The following LDLRAD3 variants were observed in gnomAD, a reference collection of about 807,000 sequenced individuals.
LDLRAD3 encodes the protein low-density lipoprotein receptor class A domain-containing protein 3.
Under a neutral mutation model 29.4 loss-of-function variants are expected in LDLRAD3, and 20 were observed. That is an observed-to-expected ratio of 0.68 (90% confidence interval 0.48 to 0.99). The LOEUF (loss-of-function observed/expected upper bound fraction) is 0.99, where lower values mean the gene tolerates loss of function less well. Ranked by LOEUF, LDLRAD3 falls within the 50% of genes least tolerant of loss-of-function variation. LDLRAD3 has a pLI of 0.00. For synonymous variants in LDLRAD3, 157 were observed against 192.7 expected (o/e 0.81, Z 1.53); for missense variants, 420 against 454.3 (o/e 0.92, Z 0.69).
intron 2 of LDLRAD3, among the ~76,000 whole-genome samples, chr11:36,061,136 G>A (rs1461935689): frequency 6.6e-6 from 1 of 152,042 alleles, no homozygotes; most frequent in Admixed American, 6.6e-5. Flanking sequence ...GTAAAGATGA[G>A]GAAATCTTTT....
At chr11:35,998,610 T>C (rs527799317) in intron 1 of LDLRAD3, among the ~76,000 whole-genome samples, 5 of 152,318 alleles carry the variant, frequency 3.3e-5, no homozygotes, top group African/African-American at 1.2e-4. Context: ...GAAAATATCC[T>C]CTGTGGTTCC....
At chr11:36,066,915 G>T (rs1051141366) in intron 2 of LDLRAD3, among the ~76,000 whole-genome samples, 3 of 152,130 alleles carry the variant, frequency 2.0e-5, no homozygotes, top group Non-Finnish European at 4.4e-5. Flanking sequence ...ATGTCTGTTG[G>T]CTTCCAGGAT....
At chr11:36,170,412 G>A (rs1404548977) in intron 4 of LDLRAD3, among the ~76,000 whole-genome samples, 1 of 151,300 alleles carries the variant, frequency 6.6e-6, no homozygotes, top group Admixed American at 6.6e-5. Context: ...TGATTTATGG[G>A]CATTTGGGCT....
intron 1 of LDLRAD3, among the ~76,000 whole-genome samples, chr11:35,966,178 A>G (rs4756263): frequency 0.37 from 55,846 of 152,160 alleles, 10,602 homozygotes; most frequent in East Asian, 0.62. Context: ...CTGTAGTCCC[A>G]GCACTTTGGG....
intron 4 of LDLRAD3, among the ~76,000 whole-genome samples, chr11:36,129,372 T>C (rs1435635517): frequency 6.6e-6 from 1 of 152,180 alleles, no homozygotes; most frequent in Non-Finnish European, 1.5e-5. Context: ...TGGTCTGGGA[T>C]TCCCTGTGAA....
intron 4 of LDLRAD3, among the ~76,000 whole-genome samples, chr11:36,218,381 G>A (rs1184692168): frequency 6.6e-6 from 1 of 152,148 alleles, no homozygotes; most frequent in African/African-American, 2.4e-5. Context: ...AGCCACTGAG[G>A]TTCCTTGATC....
intron 4 of LDLRAD3, among the ~76,000 whole-genome samples, chr11:36,144,544 C>T (rs1013251041): frequency 1.3e-5 from 2 of 151,024 alleles, no homozygotes; most frequent in African/African-American, 4.9e-5. Flanking sequence ...CCCTGCCGCC[C>T]CGTCTGGGAT....
rs1854685006 is a variant in LDLRAD3, at chr11:36,176,774, C to T, written c.455-50311C>T. On this transcript the variant is annotated intron_variant, in intron 4 of 5. Transcript: ENST00000315571. ...TTCCTTCATCTTGACTTCAGATAACCTGTTGACTATGTGTCTAGGTGATTA... is the reference window on the plus strand; with the variant it reads ...TTCCTTCATCTTGACTTCAGATAACTTGTTGACTATGTGTCTAGGTGATTA... 2.0e-5 allele frequency among the ~76,000 whole-genome samples: 3 copies of T among 152,114 alleles called. No individual in the cohort carries two copies. In the South Asian group the frequency reaches 6.2e-4, roughly 32 times the overall value.
chr11:35,991,580 T>C (rs1851689818), intron 1 of LDLRAD3, among the ~76,000 whole-genome samples: 1 of 152,198 alleles, frequency 6.6e-6, no homozygotes, highest in Admixed American at 6.5e-5. Flanking sequence ...TCATGTTCCT[T>C]TTCTCCAATG....
chr11:35,965,946 AT>A, intron 1 of LDLRAD3, among the ~76,000 whole-genome samples: 1 of 152,334 alleles, frequency 6.6e-6, no homozygotes. Flanking sequence ...CCTGACTGTT[AT>A]TAACTTTTGG....
intron 4 of LDLRAD3, among the ~76,000 whole-genome samples, chr11:36,124,921 G>A (rs1487602386): frequency 6.6e-6 from 1 of 151,916 alleles, no homozygotes; most frequent in Non-Finnish European, 1.5e-5. Flanking sequence ...TGATCTCCTG[G>A]CCTCAAGTGA....
Position 36,194,960 on chromosome 11 carries a change from G to C in LDLRAD3, c.455-32125G>C, listed in dbSNP as rs570161677. Among the ~76,000 whole-genome samples the C allele has an allele frequency of 1.2e-4, 18 of 152,312 alleles. No individual in the cohort carries two copies. The South Asian group carries it at 3.5e-3, about 30-fold the overall frequency. On this transcript the variant is annotated intron_variant, in intron 4 of 5. Transcript: ENST00000315571. ...ACAGAATGGGCTCTGGAGTCAGACA[G>C]CTCATCACTGGGCTTGCATTTCTTC...
At chr11:36,007,147 C>T (rs1468153512) in intron 1 of LDLRAD3, among the ~76,000 whole-genome samples, 1 of 152,218 alleles carries the variant, frequency 6.6e-6, no homozygotes, top group Admixed American at 6.5e-5. Flanking sequence ...TCATGGATTA[C>T]TCTGAGTTGC....
At chr11:36,208,535 C>A (rs1030424626) in intron 4 of LDLRAD3, among the ~76,000 whole-genome samples, 3 of 152,228 alleles carry the variant, frequency 2.0e-5, no homozygotes, top group Admixed American at 2.0e-4. Flanking sequence ...GAGGAGAGAG[C>A]CTTCCTGGCC....
At chr11:35,960,918 C>T (rs1184455312) in intron 1 of LDLRAD3, among the ~76,000 whole-genome samples, 2 of 152,170 alleles carry the variant, frequency 1.3e-5, no homozygotes, top group African/African-American at 4.8e-5. Flanking sequence ...TTTGCCTGCC[C>T]CTGATGACTG....
intron 1 of LDLRAD3, among the ~76,000 whole-genome samples, chr11:35,977,258 G>A (rs888393625): frequency 6.6e-6 from 1 of 152,132 alleles, no homozygotes; most frequent in Non-Finnish European, 1.5e-5. Context: ...AAGGCAGAAG[G>A]CACCAAGAAG....
At chr11:35,991,651 G>A (rs1851691154) in intron 1 of LDLRAD3, among the ~76,000 whole-genome samples, 2 of 152,158 alleles carry the variant, frequency 1.3e-5, no homozygotes, top group African/African-American at 4.8e-5. Flanking sequence ...AAAAGGGAGT[G>A]GGCACGGGGA....
chr11:36,033,814 G>T (rs1852270721), intron 1 of LDLRAD3, among the ~76,000 whole-genome samples: 1 of 152,136 alleles, frequency 6.6e-6, no homozygotes, highest in Non-Finnish European at 1.5e-5. Context: ...AGGGTTGTTG[G>T]TGGCTTTCTG....
At position 36,105,236 on chromosome 11, in the gene LDLRAD3, TGTGA is replaced by T. The variant is rs1238508601; in HGVS notation, c.454+6777_454+6780del. Among the ~76,000 whole-genome samples, 894 of 135,064 alleles carry T rather than the reference TGTGA, an allele frequency of 6.6e-3. 3 individuals carry two copies. The highest frequency in any genetic ancestry group is 0.019 in the Admixed American group (258 of 13,606). The allele number at this position is 135,064 out of a possible 152,430, so 88.6% of individuals were successfully genotyped here. A position where few individuals can be genotyped will look rare whatever the true frequency, so the allele number is the denominator to read the frequency against. On this transcript the variant is annotated intron_variant, in intron 4 of 5. Transcript: ENST00000315571. ...GTGTGTGTGTGTGTGTGTGTGTGTG[TGTGA>T]GAGAGAGAGAGAGAGAGAGAGAAAG...
Sources: allele counts gnomAD v4.1 joint callset (sites outside exome capture counted in the v4.1 genomes callset), GRCh38; gene constraint gnomAD v4.1.1; transcripts MANE v1.5; gene names NCBI Gene and HGNC (gene_info 2026-07-23, HGNC 2026-07-21).